Variants in STC2 observed in about 807,000 individuals in gnomAD.
STC2 encodes stanniocalcin-2.
A neutral mutation model predicts 22.7 loss-of-function variants in STC2; 7 were observed. The ratio of observed to expected loss-of-function variants is 0.31; its 90% CI spans 0.18 to 0.58. STC2 has a LOEUF of 0.58. Among genes scored for constraint, STC2 ranks in the 20% least tolerant of loss-of-function variants. The pLI, the probability that STC2 is intolerant of heterozygous loss-of-function variation, is 0.89. For synonymous variants in STC2, 158 were observed against 163.4 expected, an observed-to-expected ratio of 0.97 and a Z score of 0.25; for missense variants, 336 against 406.2, an observed-to-expected ratio of 0.83 and a Z score of 1.48.
intron 1 of STC2, among the ~76,000 whole-genome samples, chr5:173,327,668 C>T (rs1322210411): frequency 6.6e-6 from 1 of 152,254 alleles, no homozygotes; most frequent in East Asian, 1.9e-4. Flanking sequence ...CGCAGCCCAG[C>T]TCCGGGGACC....
At chr5:173,326,427 A>C (rs1260103718) in intron 1 of STC2, among the ~76,000 whole-genome samples, 1 of 152,208 alleles carries the variant, frequency 6.6e-6, no homozygotes, top group Non-Finnish European at 1.5e-5. Context: ...TCTCTACTTG[A>C]TCTGTAGAAG....
At chr5:173,319,904 C>T (rs763555868) in intron 3 of STC2, among the ~76,000 whole-genome samples, 22 of 152,184 alleles carry the variant, frequency 1.4e-4, no homozygotes, top group Non-Finnish European at 2.2e-4. Context: ...CCCCTGACAG[C>T]GCAAGACAAC....
At chr5:173,319,555 T>C (rs187290108) in intron 3 of STC2, among the ~76,000 whole-genome samples, 1 of 152,368 alleles carries the variant, frequency 6.6e-6, no homozygotes, top group East Asian at 1.9e-4. Flanking sequence ...CCATGGAGCC[T>C]TTTCTTTGCA....
chr5:173,325,310 G>A lies in STC2; in HGVS notation c.294+558C>T, dbSNP rs975805290. Among the ~76,000 whole-genome samples the A allele has an allele frequency of 3.3e-5, 5 of 152,192 alleles. No individual in the cohort carries two copies. The highest frequency in any genetic ancestry group is 2.1e-4 in the South Asian group (1 of 4,832). On this transcript the variant is annotated intron_variant, in intron 2 of 3. Coordinates refer to ENST00000265087, the MANE Select transcript of STC2 (RefSeq NM_003714.3). This position sits in a 1 kb window ranked among gnomAD's most constrained non-coding sequence, Gnocchi z 4.7. ...TGGGACCCTGGGATAACCGAAGTGG[G>A]TCAGGCCCTGACTATATTTATCATA...
At chr5:173,320,559 C>T (rs1016652859) in intron 3 of STC2, among the ~76,000 whole-genome samples, 25 of 152,132 alleles carry the variant, frequency 1.6e-4, no homozygotes, top group African/African-American at 6.0e-4. Context: ...CCTGCCAGCA[C>T]CCAGTGACAT....
rs1329870080 is a variant in STC2 at position 173,323,534 on chromosome 5, T to C, written c.295-104A>G. The C allele has an allele frequency of 1.3e-5, 15 of 1,159,856 alleles. No individual in the cohort carries two copies. The highest frequency in any genetic ancestry group is 1.6e-5 in the Non-Finnish European group (13 of 814,450). 71.8% of individuals were successfully genotyped at this position (1,159,856 alleles called of 1,614,324 possible). ...TTCTTGGGCTTACACAGGATATTTC[T>C]GACATCAGAACCCCAAGGCCCCACC... On this transcript the variant is annotated intron_variant, in intron 2 of 3. Coordinates refer to ENST00000265087, the MANE Select transcript of STC2 (RefSeq NM_003714.3). The surrounding 1 kb of genome is among the most constrained non-coding windows in gnomAD (Gnocchi z 5.4).
intron 3 of STC2, 56 bp from the exon 4 acceptor site, chr5:173,318,305 G>T: frequency 1.6e-6 from 2 of 1,260,872 alleles, no homozygotes; most frequent in East Asian, 2.8e-5. Flanking sequence ...AGAGAGGCTG[G>T]GAATGGAGCA....
chr5:173,325,758 A>G lies in STC2; in HGVS notation c.294+110T>C. 6.6e-7 allele frequency: 1 copy of G among 1,504,770 alleles called. No homozygotes were observed. Among genetic ancestry groups the G allele is most frequent in the Non-Finnish European group, 9.1e-7 (1 of 1,097,180 alleles). 93.2% of individuals were successfully genotyped at this position (1,504,770 alleles called of 1,614,324 possible). On this transcript the variant is annotated intron_variant, in intron 2 of 3. Coordinates refer to ENST00000265087, the MANE Select transcript of STC2 (RefSeq NM_003714.3). The surrounding 1 kb of genome is among the most constrained non-coding windows in gnomAD (Gnocchi z 4.7). ...CTAGACTGTCGCTTGCAAGCACTAA[A>G]ACACACCACAAGGAACAGCAAAGGA...
At position 173,315,034 on chromosome 5, in the gene STC2, C is replaced by G. The variant is rs772437401; in HGVS notation, c.*2813G>C. 1 of 152,136 alleles carries G rather than the reference C, an allele frequency of 6.6e-6. No individual in the cohort carries two copies. The highest frequency in any genetic ancestry group is 6.5e-5 in the Admixed American group (1 of 15,276). 9.4% of individuals were successfully genotyped at this position (152,136 alleles called of 1,614,324 possible). ...TTTTAGATGTCAGCATTTTACTATACTTGGTCCTCTCACTTCAGAATAACA... is the reference window on the plus strand; with the variant it reads ...TTTTAGATGTCAGCATTTTACTATAGTTGGTCCTCTCACTTCAGAATAACA... On this transcript the variant is annotated 3_prime_UTR_variant, in exon 4 of 4. Transcript: ENST00000265087.
chr5:173,318,073 T>G lies in STC2; in HGVS notation c.683A>C (p.Gln228Pro). Residue 228 changes from glutamine to proline, a missense_variant, in exon 4 of 4, where the codon CAG becomes CCG. Physicochemically the swap from Gln to Pro is moderately conservative, Grantham distance 76. Around this residue, in one of 3 missense-constraint regions of STC2, gnomAD observed 215 missense variants for 231.5 expected, o/e 0.93. Transcript: ENST00000265087. ...CCTGGAGAGCTTGGTTCTGTCCACC[T>G]GGGGCTGGCGCTCGGGGGGCGCCGT... is the stretch of plus-strand genomic sequence containing the variant. The part of the protein sequence containing the change: ...PPTAPPERQP[Q>P]VDRTKLSRAH... The G allele has an allele frequency of 6.2e-7, 1 of 1,607,684 alleles. No individual in the cohort carries two copies. The highest frequency in any genetic ancestry group is 8.5e-7 in the Non-Finnish European group (1 of 1,177,450).
rs775509637 is a variant in STC2 at position 173,325,643 on chromosome 5, G to A, written c.294+225C>T. Among the ~76,000 whole-genome samples, 12 of 152,292 alleles carry A rather than the reference G, an allele frequency of 7.9e-5. No homozygotes were observed. Among genetic ancestry groups the A allele is most frequent in the Admixed American group, 2.6e-4 (4 of 15,298 alleles). On this transcript the variant is annotated intron_variant, in intron 2 of 3. Coordinates refer to ENST00000265087, the MANE Select transcript of STC2 (RefSeq NM_003714.3). This position sits in a 1 kb window ranked among gnomAD's most constrained non-coding sequence, Gnocchi z 4.7. ...CGTGTCCCCTTACAAGGTGTTTATC[G>A]TTTATTATGACATTGGTCTCCAGTC...
chr5:173,322,352 G>A (rs1762497211), intron 3 of STC2, among the ~76,000 whole-genome samples: 1 of 152,090 alleles, frequency 6.6e-6, no homozygotes, highest in Non-Finnish European at 1.5e-5. Flanking sequence ...GAACAATTGT[G>A]TACCAACATG....
rs140752340 is a variant in STC2 at position 173,317,946 on chromosome 5, G to A, written c.810C>T (p.Ala270=). The change falls in exon 4 of 4, where the codon GCC becomes GCT. Residue 270 remains alanine, a synonymous_variant. Coordinates refer to ENST00000265087, the MANE Select transcript of STC2 (RefSeq NM_003714.3). ...GERGSKSHPN[A]HARGRVGGLG... ...GGCCCCCGACTCTGCCTCGGGCATG[G>A]GCGTTTGGGTGGCTCTTGCTACCTC... 2.4e-5 allele frequency: 38 copies of A among 1,613,474 alleles called. No homozygotes were observed. In the African/African-American group the frequency reaches 4.9e-4, roughly 21 times the overall value.
In STC2 at chr5:173,317,093, C is replaced by T. The variant is rs1762429943; in HGVS notation, c.*754G>A. The T allele has an allele frequency of 6.6e-6, 1 of 151,848 alleles. No individual in the cohort carries two copies. The highest frequency in any genetic ancestry group is 6.6e-5 in the Admixed American group (1 of 15,244). 9.4% of individuals were successfully genotyped at this position (151,848 alleles called of 1,614,324 possible). A position where few individuals can be genotyped will look rare whatever the true frequency, so the allele number is the denominator to read the frequency against. On this transcript the variant is annotated 3_prime_UTR_variant, in exon 4 of 4. Transcript: ENST00000265087. Reference sequence around the variant, plus strand: ...GTTTGAAAGCCATTTATTTAGATGACAGATATGTAGATATAACTGGATAAA... The same window carrying T: ...GTTTGAAAGCCATTTATTTAGATGATAGATATGTAGATATAACTGGATAAA...
chr5:173,323,115 G>A lies in STC2; in HGVS notation c.506+104C>T. On this transcript the variant is annotated intron_variant, in intron 3 of 3. Transcript: ENST00000265087. The surrounding 1 kb of genome is among the most constrained non-coding windows in gnomAD (Gnocchi z 5.4). ...AAGTAAATGGAAGCCTTCTCCATTT[G>A]ACAGGCATTCAGCCTCTAGAAGCAA... is the stretch of plus-strand genomic sequence containing the variant. The A allele has an allele frequency of 9.4e-7, 1 of 1,066,854 alleles. No homozygotes were observed. The highest frequency in any genetic ancestry group is 1.4e-5 in the South Asian group (1 of 71,742). The allele number at this position is 1,066,854 out of a possible 1,614,324, so 66.1% of individuals were successfully genotyped here.
chr5:173,324,125 A>C (rs1273584210), intron 2 of STC2: 3 of 152,620 alleles, frequency 2.0e-5, no homozygotes, highest in East Asian at 3.8e-4. Context: ...GAACTGCCGC[A>C]CTGGCGGCCC....
chr5:173,323,116 A>T lies in STC2; in HGVS notation c.506+103T>A. The T allele has an allele frequency of 9.3e-7, 1 of 1,074,336 alleles. No individual in the cohort carries two copies. The highest frequency in any genetic ancestry group is 1.4e-6 in the Non-Finnish European group (1 of 713,658). 66.6% of individuals were successfully genotyped at this position (1,074,336 alleles called of 1,614,324 possible). On this transcript the variant is annotated intron_variant, in intron 3 of 3. Transcript: ENST00000265087. The surrounding 1 kb of genome is among the most constrained non-coding windows in gnomAD (Gnocchi z 5.4). ...AGTAAATGGAAGCCTTCTCCATTTG[A>T]CAGGCATTCAGCCTCTAGAAGCAAC...
intron 3 of STC2, 100 bp from the exon 4 acceptor site, chr5:173,318,349 G>T (rs999135325): frequency 8.2e-7 from 1 of 1,220,240 alleles, no homozygotes; most frequent in Non-Finnish European, 1.0e-6. Flanking sequence ...CAGGGGCAAT[G>T]CTGGGAAGGA....
Position 173,314,742 on chromosome 5 carries a change from T to C in STC2, c.*3105A>G, listed in dbSNP as rs1488431585. The stretch of plus-strand genomic sequence containing the variant: ...GTGGAAGCCATTTATTTAAAACTTT[T>C]ATTAACGCTTGAAGAAAAATAATGC... On this transcript the variant is annotated 3_prime_UTR_variant, in exon 4 of 4. Coordinates refer to ENST00000265087, the MANE Select transcript of STC2 (RefSeq NM_003714.3). The surrounding 1 kb of genome is among the most constrained non-coding windows in gnomAD (Gnocchi z 4.6). The C allele has an allele frequency of 1.3e-5, 2 of 152,222 alleles. No individual in the cohort carries two copies. Among genetic ancestry groups the C allele is most frequent in the Non-Finnish European group, 2.9e-5 (2 of 68,048 alleles). The allele number at this position is 152,222 out of a possible 1,614,324, so 9.4% of individuals were successfully genotyped here.
Sources: gnomAD v4.1 joint callset for allele counts (sites outside exome capture counted in the v4.1 genomes callset) on GRCh38, gnomAD v4.1.1 for gene constraint, gnomAD v4.1.1 regional missense constraint, Gnocchi (gnomAD v3.1) non-coding constraint, MANE v1.5 for transcripts, NCBI Gene and HGNC (gene_info 2026-07-23, HGNC 2026-07-21) for gene names.